The following TBCK variants were observed in gnomAD, a reference collection of about 807,000 sequenced individuals.
The protein encoded by TBCK is TBC1 domain containing kinase.
TBCK carries 99 observed loss-of-function variants against 113.4 expected under a neutral mutation model. That is an observed-to-expected ratio of 0.87 (90% CI 0.74 to 1.03). The LOEUF (loss-of-function observed/expected upper bound fraction) is 1.03. Among genes scored for constraint, TBCK ranks in the 50% least tolerant of loss-of-function variants. The pLI is 0.00. For synonymous variants in TBCK, 369 were observed against 370.8 expected (o/e 1.00, Z 0.05); for missense variants, 1,045 against 1,061.3 (o/e 0.98, Z 0.21).
intron 1 of TBCK, among the ~76,000 whole-genome samples, chr4:106,309,305 C>CTTTTTTT (rs536969885): frequency 5.8e-5 from 6 of 103,166 alleles, no homozygotes; most frequent in Non-Finnish European, 9.4e-5. Flanking sequence ...AGGCTCTTCT[C>CTTTTTTT]TTTTTTTTTT....
intron 22 of TBCK, among the ~76,000 whole-genome samples, chr4:106,178,621 G>A (rs1751969657): frequency 6.6e-6 from 1 of 151,970 alleles, no homozygotes; most frequent in Non-Finnish European, 1.5e-5. Context: ...CATGTTTATT[G>A]ATTTGCATAT....
chr4:106,182,499 G>T (rs1752512679), intron 22 of TBCK: 1 of 152,124 alleles, frequency 6.6e-6, no homozygotes. Flanking sequence ...GATATTGGCT[G>T]TGGGTCCGTC....
intron 24 of TBCK, among the ~76,000 whole-genome samples, chr4:106,106,846 A>G (rs4314353): frequency 0.4 from 60,221 of 151,948 alleles, 12,219 homozygotes; most frequent in South Asian, 0.47. Context: ...AGAGTGGCAA[A>G]CAGGATAAAA....
At chr4:106,169,891 G>A (rs943535894) in intron 23 of TBCK, among the ~76,000 whole-genome samples, 2 of 152,016 alleles carry the variant, frequency 1.3e-5, no homozygotes, top group African/African-American at 2.4e-5. Context: ...CCTCACATGC[G>A]CAGTTCACAA....
chr4:106,186,359 A>G (rs1225262505), intron 22 of TBCK, among the ~76,000 whole-genome samples: 2 of 152,142 alleles, frequency 1.3e-5, no homozygotes, highest in East Asian at 3.9e-4. Context: ...GGCAGTGTAT[A>G]AGGGTTCCCT....
intron 25 of TBCK, among the ~76,000 whole-genome samples, chr4:106,081,964 T>C (rs1022126444): frequency 1.3e-5 from 2 of 152,114 alleles, no homozygotes; most frequent in Non-Finnish European, 2.9e-5. Context: ...GAAATGCTGG[T>C]GAGGTTGCAT....
intron 1 of TBCK, 109 bp from the exon 2 acceptor site, chr4:106,309,098 C>T (rs533026626): frequency 1.7e-6 from 1 of 597,908 alleles, no homozygotes; most frequent in African/African-American, 1.9e-5. Context: ...GAACACTTCA[C>T]AGTAAAAATA....
chr4:106,300,157 G>A (rs1451114782), intron 2 of TBCK, among the ~76,000 whole-genome samples: 1 of 152,192 alleles, frequency 6.6e-6, no homozygotes, highest in East Asian at 1.9e-4. Context: ...CATGTAAGAC[G>A]TGACTTGCTC....
intron 25 of TBCK, among the ~76,000 whole-genome samples, chr4:106,050,476 T>C (rs1734682850): frequency 6.6e-6 from 1 of 152,148 alleles, no homozygotes; most frequent in South Asian, 2.1e-4. Flanking sequence ...AGGATTGAAA[T>C]TATTCAGATT....
intron 23 of TBCK, among the ~76,000 whole-genome samples, chr4:106,168,444 T>C (rs1195377609): frequency 6.6e-6 from 1 of 151,968 alleles, no homozygotes; most frequent in Non-Finnish European, 1.5e-5. Context: ...AAGGTAAGGA[T>C]GTCCTCTCAC....
chr4:106,278,451 C>T (rs965859983), intron 3 of TBCK, among the ~76,000 whole-genome samples: 3 of 146,404 alleles, frequency 2.0e-5, no homozygotes, highest in Middle Eastern at 3.8e-3. Context: ...CCCAGCTATT[C>T]GGGAGGCTGA....
intron 25 of TBCK, among the ~76,000 whole-genome samples, chr4:106,082,872 C>T (rs1289651066): frequency 6.6e-6 from 1 of 152,204 alleles, no homozygotes; most frequent in Non-Finnish European, 1.5e-5. Flanking sequence ...GGAAGGGGAA[C>T]TTCCCTCAAG....
rs554599701 is a variant in TBCK, at chr4:106,113,484, C to T, written c.2411+2719G>A. On this transcript the variant is annotated intron_variant, in intron 24 of 25. Transcript: ENST00000394708. ...ATGGAAAGATGTAAACAGTAATGTACGGTGTGGTCCAAATGAATTGTTAAC... is the reference window on the plus strand; with the variant it reads ...ATGGAAAGATGTAAACAGTAATGTATGGTGTGGTCCAAATGAATTGTTAAC... Among the ~76,000 whole-genome samples the T allele has an allele frequency of 2.7e-3, 415 of 152,264 alleles. 3 individuals carry two copies. The highest frequency in any genetic ancestry group is 9.4e-3 in the African/African-American group (390 of 41,536).
chr4:106,184,039 T>A (rs1752723503), intron 22 of TBCK, among the ~76,000 whole-genome samples: 1 of 152,072 alleles, frequency 6.6e-6, no homozygotes, highest in Admixed American at 6.6e-5. Flanking sequence ...AATATTTTTA[T>A]GACAGCCTAA....
At chr4:106,291,982 A>G (rs1283554017) in intron 3 of TBCK, among the ~76,000 whole-genome samples, 2 of 152,230 alleles carry the variant, frequency 1.3e-5, no homozygotes, top group African/African-American at 4.8e-5. Flanking sequence ...GATATGCATG[A>G]GGATATTTAT....
At chr4:106,314,173 C>T (rs965343040) in intron 1 of TBCK, among the ~76,000 whole-genome samples, 4 of 152,030 alleles carry the variant, frequency 2.6e-5, no homozygotes, top group Admixed American at 2.0e-4. Context: ...AAGTAAATGT[C>T]CAGCTAAGAG....
At chr4:106,096,409 C>G (rs1362655084) in intron 24 of TBCK, among the ~76,000 whole-genome samples, 1 of 152,214 alleles carries the variant, frequency 6.6e-6, no homozygotes, top group Non-Finnish European at 1.5e-5. Flanking sequence ...GCACCTATAT[C>G]TACATCTGTG....
intron 3 of TBCK, among the ~76,000 whole-genome samples, chr4:106,269,326 A>T (rs905989735): frequency 1.3e-5 from 2 of 152,164 alleles, no homozygotes; most frequent in African/African-American, 2.4e-5. Context: ...TAACTTTTAA[A>T]GACTCATTAG....
In TBCK at chr4:106,215,912, C is replaced by T. The variant is rs1412600950; in HGVS notation, c.1775-3077G>A. Reference sequence around the variant, plus strand: ...CTCCACCCCAAATCAACAGAATATACATTTTTTTCAGCACCACACCACACC... The same window carrying T: ...CTCCACCCCAAATCAACAGAATATATATTTTTTTCAGCACCACACCACACC... On this transcript the variant is annotated intron_variant, in intron 19 of 25. Coordinates refer to ENST00000394708, the MANE Select transcript of TBCK (RefSeq NM_001163435.3). Among the ~76,000 whole-genome samples the T allele has an allele frequency of 4.1e-3, 625 of 151,072 alleles. 5 individuals are homozygous for T. The highest frequency in any genetic ancestry group is 4.2e-3 in the Non-Finnish European group (288 of 67,820).
Sources: gnomAD v4.1 joint callset for allele counts (sites outside exome capture counted in the v4.1 genomes callset) on GRCh38, gnomAD v4.1.1 for gene constraint, MANE v1.5 for transcripts, NCBI Gene and HGNC (gene_info 2026-07-23, HGNC 2026-07-21) for gene names.